ROBO2: variants seen among roughly 807,000 people sequenced by gnomAD.
ROBO2 encodes the protein roundabout homolog 2.
A neutral mutation model predicts 160.8 loss-of-function variants in ROBO2; 53 were observed. The ratio of observed to expected loss-of-function variants is 0.33; its 90% CI spans 0.26 to 0.41. The LOEUF is 0.41. Among genes scored for constraint, ROBO2 ranks in the 10% least tolerant of loss-of-function variants. ROBO2 has a pLI of 1.00. For missense variants in ROBO2, 1,577 were observed against 1,722.4 expected, an observed-to-expected ratio of 0.92 and a Z score of 1.49; for synonymous variants, 664 against 611.7, an observed-to-expected ratio of 1.09 and a Z score of -1.26.
At chr3:77,459,434 G>A (rs974404199) in intron 2 of ROBO2, among the ~76,000 whole-genome samples, 16 of 152,206 alleles carry the variant, frequency 1.1e-4, no homozygotes, top group South Asian at 8.3e-4. Context: ...CATTTATTGC[G>A]CACCTACTGT....
At chr3:75,977,693 C>T (rs2065168486) in intron 2 of ROBO2, among the ~76,000 whole-genome samples, 1 of 151,400 alleles carries the variant, frequency 6.6e-6, no homozygotes, top group African/African-American at 2.4e-5. Context: ...GAGTGAACTG[C>T]CATATTGATA....
intron 2 of ROBO2, among the ~76,000 whole-genome samples, chr3:76,180,171 C>T (rs991484688): frequency 1.3e-5 from 2 of 152,122 alleles, no homozygotes; most frequent in Non-Finnish European, 2.9e-5. Flanking sequence ...ATTAATCAGT[C>T]ACAAAATACG....
intron 2 of ROBO2, among the ~76,000 whole-genome samples, chr3:76,276,732 A>G (rs1707945980): frequency 6.6e-6 from 1 of 152,020 alleles, no homozygotes. Flanking sequence ...CAATAGGGCA[A>G]TGCCTTAATT....
chr3:76,224,662 G>A (rs192549579), intron 2 of ROBO2, among the ~76,000 whole-genome samples: 2 of 152,174 alleles, frequency 1.3e-5, no homozygotes, highest in Admixed American at 6.5e-5. Context: ...AATTAACCAC[G>A]ACTTACCTAA....
intron 2 of ROBO2, among the ~76,000 whole-genome samples, chr3:77,257,253 C>A (rs919661950): frequency 6.6e-6 from 1 of 152,100 alleles, no homozygotes; most frequent in Non-Finnish European, 1.5e-5. Context: ...GGGAAAAGAC[C>A]GGCTTTCCAG....
At chr3:76,976,506 G>A (rs1450167763) in intron 2 of ROBO2, among the ~76,000 whole-genome samples, 2 of 152,104 alleles carry the variant, frequency 1.3e-5, no homozygotes, top group Non-Finnish European at 2.9e-5. Flanking sequence ...TTTTTAGTAT[G>A]TCCACTGAAA....
chr3:76,564,771 G>C (rs1560157404), intron 2 of ROBO2, among the ~76,000 whole-genome samples: 1 of 152,156 alleles, frequency 6.6e-6, no homozygotes, highest in Non-Finnish European at 1.5e-5. Context: ...TTGATAAGCT[G>C]TTTTATCTTC....
At chr3:76,552,791 G>C (rs1356776972) in intron 2 of ROBO2, among the ~76,000 whole-genome samples, 1 of 152,186 alleles carries the variant, frequency 6.6e-6, no homozygotes, top group African/African-American at 2.4e-5. Flanking sequence ...ACCACTGAAA[G>C]TAGTTCCATT....
At chr3:76,434,042 G>C in intron 2 of ROBO2, 1 of 1,275,988 alleles carries the variant, frequency 7.8e-7, no homozygotes, top group South Asian at 1.2e-5. Context: ...AAATCTGGTA[G>C]AAAGACTGGA....
intron 2 of ROBO2, among the ~76,000 whole-genome samples, chr3:76,666,625 G>GA (rs986716112): frequency 5.3e-5 from 8 of 151,102 alleles, no homozygotes; most frequent in East Asian, 1.9e-4. Context: ...ATTGGAAAAT[G>GA]AAAAAAAATA....
At position 76,441,385 on chromosome 3, in the gene ROBO2, T is replaced by C. The variant is rs2076919959; in HGVS notation, c.109+503783T>C. On this transcript the variant is annotated intron_variant, in intron 2 of 26. Transcript: ENST00000487694. Reference sequence around the variant, plus strand: ...TTTAAGACAAACATTTCCTGGTCTTTAATTCAAAGCTTGTATAAAGAAACT... The same window carrying C: ...TTTAAGACAAACATTTCCTGGTCTTCAATTCAAAGCTTGTATAAAGAAACT... Among the ~76,000 whole-genome samples, 4 of 152,192 alleles carry C rather than the reference T, an allele frequency of 2.6e-5. No individual in the cohort carries two copies. In the South Asian group the frequency reaches 8.3e-4, roughly 31 times the overall value.
intron 2 of ROBO2, among the ~76,000 whole-genome samples, chr3:76,743,524 C>CT (rs1487630361): frequency 6.6e-6 from 1 of 151,874 alleles, no homozygotes; most frequent in Non-Finnish European, 1.5e-5. Flanking sequence ...ATCTGAACAA[C>CT]TATAGACATA....
intron 2 of ROBO2, among the ~76,000 whole-genome samples, chr3:76,427,333 T>C (rs924403201): frequency 3.3e-5 from 5 of 151,756 alleles, no homozygotes; most frequent in African/African-American, 7.3e-5. Flanking sequence ...GAGGAAAATA[T>C]CATGTTGGAT....
intron 2 of ROBO2, among the ~76,000 whole-genome samples, chr3:76,885,239 CA>C (rs1326817446): frequency 6.6e-6 from 1 of 152,094 alleles, no homozygotes; most frequent in African/African-American, 2.4e-5. Flanking sequence ...TTTTTCCTTA[CA>C]CACTGACTAG....
At chr3:77,028,806 C>G (rs141195497) in intron 2 of ROBO2, among the ~76,000 whole-genome samples, 1 of 152,338 alleles carries the variant, frequency 6.6e-6, no homozygotes, top group East Asian at 1.9e-4. Context: ...AATTTTGATT[C>G]CATGTTGCCA....
At chr3:77,316,179 A>G (rs560298830) in intron 2 of ROBO2, among the ~76,000 whole-genome samples, 1 of 152,202 alleles carries the variant, frequency 6.6e-6, no homozygotes, top group East Asian at 1.9e-4. Flanking sequence ...GGAAGGAATA[A>G]GTCCTGAATT....
At chr3:76,705,517 A>G (rs1461374462) in intron 2 of ROBO2, among the ~76,000 whole-genome samples, 1 of 152,142 alleles carries the variant, frequency 6.6e-6, no homozygotes, top group African/African-American at 2.4e-5. Flanking sequence ...GAAGATGACA[A>G]GTAAAAAAGG....
chr3:77,091,535 G>T (rs1035547251), intron 1 of ROBO2, among the ~76,000 whole-genome samples: 12 of 152,084 alleles, frequency 7.9e-5, no homozygotes, highest in Non-Finnish European at 1.6e-4. Flanking sequence ...TCACAGATGC[G>T]TCTGCATCTG....
chr3:76,557,886 TA>T (rs3067742), intron 2 of ROBO2, among the ~76,000 whole-genome samples: 20,394 of 147,338 alleles, frequency 0.14, 3,960 homozygotes, highest in African/African-American at 0.44. Context: ...TGGAATTACT[TA>T]AAAAAAAAAA....
Sources: gnomAD v4.1 joint callset for allele counts (sites outside exome capture counted in the v4.1 genomes callset) on GRCh38, gnomAD v4.1.1 for gene constraint, MANE v1.5 for transcripts, NCBI Gene and HGNC (gene_info 2026-07-23, HGNC 2026-07-21) for gene names.